GTF3C2: variants seen among roughly 807,000 people sequenced by gnomAD.
GTF3C2 encodes the protein general transcription factor IIIC subunit 2.
GTF3C2 carries 17 observed loss-of-function variants against 117.4 expected under a neutral mutation model. The observed-to-expected ratio is 0.14, with a 90% CI of 0.10 to 0.22. The LOEUF is 0.22. Among genes scored for constraint, GTF3C2 ranks in the 10% least tolerant of loss-of-function variants. GTF3C2 has a pLI of 1.00. For synonymous variants in GTF3C2, 437 were observed against 427.0 expected (o/e 1.02, Z -0.29); for missense variants, 888 against 1,143.6 (o/e 0.78, Z 3.22).
intron 17 of GTF3C2, 150 bp from the exon 18 acceptor site, chr2:27,327,434 TC>T (rs1680118670): frequency 2.2e-6 from 1 of 464,362 alleles, no homozygotes; most frequent in South Asian, 3.8e-5. Context: ...CAAGTGATTC[TC>T]CGCCTCAGCC....
At position 27,343,592 on chromosome 2, in the gene GTF3C2, C is replaced by T. The variant is rs761997388; in HGVS notation, c.-24-14G>A. 6.2e-7 allele frequency: 1 copy of T among 1,607,276 alleles called. No homozygotes were observed. The highest frequency in any genetic ancestry group is 8.5e-7 in the Non-Finnish European group (1 of 1,174,974). ...AAATGGCTGCCCCTGCATACAGAGA[C>T]ACACAAATGAGTAGAGGACAAAAAC... On this transcript the variant is annotated splice_polypyrimidine_tract_variant and intron_variant, in intron 1 of 18. Transcript: ENST00000264720.
intron 8 of GTF3C2, 32 bp from the exon 9 acceptor site, chr2:27,336,060 T>C (rs754324007): frequency 1.3e-6 from 2 of 1,493,044 alleles, no homozygotes; most frequent in Non-Finnish European, 9.3e-7. Flanking sequence ...GGATGGTGGG[T>C]AGGAAGAAGG....
exon 19 of GTF3C2, chr2:27,326,815 C>A (rs373008992): frequency 6.2e-7 from 1 of 1,613,798 alleles, no homozygotes; most frequent in Non-Finnish European, 8.5e-7. Context: ...AGTCCACGGA[C>A]AAAATGGATT....
intron 1 of GTF3C2, chr2:27,356,249 A>G: frequency 2.1e-6 from 1 of 471,580 alleles, no homozygotes; most frequent in Non-Finnish European, 4.0e-6. Context: ...GCGGGGCACA[A>G]CCCTCGGGGT....
chr2:27,340,452 T>A (rs1680687687), intron 4 of GTF3C2: 1 of 151,966 alleles, frequency 6.6e-6, no homozygotes, highest in South Asian at 2.1e-4. Flanking sequence ...CAAGCTGGTC[T>A]CAAACCCCTG....
chr2:27,327,978 A>G (rs757515061), intron 17 of GTF3C2, 59 bp downstream of exon 17: 163 of 1,459,914 alleles, frequency 1.1e-4, no homozygotes, highest in Non-Finnish European at 1.2e-4. Context: ...CGTACTATAC[A>G]AAGACTAAAG....
intron 7 of GTF3C2, chr2:27,336,646 C>A: frequency 2.0e-6 from 1 of 504,586 alleles, no homozygotes. Flanking sequence ...TGGGGTCTGT[C>A]ACCCAGGATG....
exon 9 of GTF3C2, chr2:27,336,010 G>A: frequency 1.2e-6 from 2 of 1,612,746 alleles, no homozygotes; most frequent in Non-Finnish European, 1.7e-6. Flanking sequence ...CATAGACAAA[G>A]TGGGCCCTGT....
rs1435556919 is a variant in GTF3C2, at chr2:27,350,625, CTT to C, written c.-25+6112_-25+6113del. 2.5e-5 allele frequency: 12 copies of C among 484,398 alleles called. No individual in the cohort carries two copies. The East Asian group carries it at 1.4e-3, about 56-fold the overall frequency. The allele number at this position is 484,398 out of a possible 1,614,324, so 30.0% of individuals were successfully genotyped here. ...GATCAGCCTGGGCAACACAGCAAGA[CTT>C]TGTCTCTGCAAAAAAATTTTTTTTG... On this transcript the variant is annotated intron_variant, in intron 1 of 18. Coordinates refer to ENST00000264720, the Ensembl canonical transcript of GTF3C2.
intron 10 of GTF3C2, 119 bp downstream of exon 10, chr2:27,335,479 C>T (rs1680429320): frequency 1.4e-6 from 1 of 716,150 alleles, no homozygotes; most frequent in Admixed American, 2.0e-5. Context: ...GTGTGTGTGG[C>T]TGAGTAAGGC....
At chr2:27,348,346 GAGA>G (rs1196737797) in intron 1 of GTF3C2, among the ~76,000 whole-genome samples, 2 of 151,650 alleles carry the variant, frequency 1.3e-5, no homozygotes. Context: ...AATTGGAAGT[GAGA>G]AGATCACTTG....
intron 5 of GTF3C2, 100 bp from the exon 6 acceptor site, chr2:27,337,658 T>C: frequency 1.2e-6 from 1 of 861,530 alleles, no homozygotes; most frequent in Non-Finnish European, 2.0e-6. Context: ...TTATCTGTGC[T>C]CCCCAATATG....
Position 27,329,265 on chromosome 2 carries a change from G to A in GTF3C2, c.1895C>T (p.Ala632Val), listed in dbSNP as rs1219254541. The A allele has an allele frequency of 4.3e-6, 7 of 1,614,154 alleles. No individual in the cohort carries two copies. Among genetic ancestry groups the A allele is most frequent in the Non-Finnish European group, 5.9e-6 (7 of 1,180,014 alleles). ...GAATTTGATTTTCCGGTCACTCCCC[G>A]CAGAGACAAGGAAATGGCTGTAAAA... The change falls in exon 14 of 19, where the codon GCG (alanine) becomes GTG (valine). Residue 632 changes from alanine (A) to valine (V), a missense_variant. By Grantham distance (64) the Ala-to-Val change is moderately conservative (BLOSUM62 0). This residue lies in a region of GTF3C2 where 277 missense variants were observed against 445.4 expected (regional missense o/e 0.62). Transcript: ENST00000264720. This position sits in a 1 kb window ranked among gnomAD's most constrained non-coding sequence, Gnocchi z 4.5.
chr2:27,333,967 C>T lies in GTF3C2; in HGVS notation c.1602+7G>A, dbSNP rs773705367. 2.9e-5 allele frequency: 47 copies of T among 1,605,292 alleles called. No homozygotes were observed. In the Admixed American group the frequency reaches 7.8e-4, roughly 27 times the overall value. On this transcript the variant is annotated splice_region_variant and intron_variant, in intron 11 of 18. Transcript: ENST00000264720. ...GCCTCAGCTAAGGTAGCAGGTTCCTCACTCACCTTATATATGGCAGGCTTC... is the reference window on the plus strand; with the variant it reads ...GCCTCAGCTAAGGTAGCAGGTTCCTTACTCACCTTATATATGGCAGGCTTC...
At chr2:27,335,664 A>G in exon 10 of GTF3C2, 1 of 1,562,300 alleles carries the variant, frequency 6.4e-7, no homozygotes, top group Non-Finnish European at 8.7e-7. Flanking sequence ...TTCCCGTCTG[A>G]GCAGGCCAGA....
At chr2:27,326,291 C>A in exon 19 of GTF3C2, 1 of 470,758 alleles carries the variant, frequency 2.1e-6, no homozygotes, top group East Asian at 6.2e-5. Context: ...ATGCAGATAC[C>A]CTTTTCAGTT....
At chr2:27,335,787 C>T in intron 9 of GTF3C2, 81 bp from the exon 10 acceptor site, 1 of 1,115,216 alleles carries the variant, frequency 9.0e-7, no homozygotes, top group Non-Finnish European at 1.3e-6. Context: ...CCCTGAAATA[C>T]TGTATGAAGT....
In GTF3C2 at chr2:27,328,950, A is replaced by G. The variant is rs1231219015; in HGVS notation, c.2040-19T>C. The G allele has an allele frequency of 1.3e-6, 2 of 1,548,848 alleles. No individual in the cohort carries two copies. The highest frequency in any genetic ancestry group is 2.3e-5 in the South Asian group (2 of 88,582). On this transcript the variant is annotated intron_variant, in intron 14 of 18. Transcript: ENST00000264720. ...TCCATAACTGTTAAAAGAGAAATAA[A>G]TTTAAACCTTCCTTTTCTTTAGATT...
At chr2:27,350,130 C>T (rs1178325542) in intron 1 of GTF3C2, among the ~76,000 whole-genome samples, 1 of 151,826 alleles carries the variant, frequency 6.6e-6, no homozygotes, top group East Asian at 1.9e-4. Context: ...TAAATATTCC[C>T]CCCATATTGG....
Sources: allele counts gnomAD v4.1 joint callset (sites outside exome capture counted in the v4.1 genomes callset), GRCh38; gene constraint gnomAD v4.1.1; regional missense constraint gnomAD v4.1.1; non-coding constraint Gnocchi (gnomAD v3.1); transcripts MANE v1.5; gene names NCBI Gene and HGNC (gene_info 2026-07-23, HGNC 2026-07-21).